TENM4: variants seen among roughly 807,000 people sequenced by gnomAD.
TENM4 encodes the protein teneurin transmembrane protein 4, also known as teneurin-4.
In TENM4, 82 loss-of-function variants were observed where a neutral mutation model predicts 243.3. The ratio of observed to expected loss-of-function variants is 0.34; its 90% CI spans 0.28 to 0.40. The LOEUF is 0.40. TENM4 is among the 10% of genes least tolerant of loss of function. The pLI, the probability that TENM4 is intolerant of heterozygous loss-of-function variation, is 1.00. For missense variants in TENM4, 3,138 were observed against 3,673.3 expected (o/e 0.85, Z 3.77); for synonymous variants, 1,412 against 1,456.3 (o/e 0.97, Z 0.69).
At chr11:78,810,837 C>T (rs1279670479) in intron 14 of TENM4, among the ~76,000 whole-genome samples, 1 of 152,164 alleles carries the variant, frequency 6.6e-6, no homozygotes, top group Non-Finnish European at 1.5e-5. Flanking sequence ...GATCAGCTCT[C>T]CTTGGAGCCT....
At chr11:78,980,592 T>C (rs1857769786) in intron 6 of TENM4, among the ~76,000 whole-genome samples, 1 of 152,214 alleles carries the variant, frequency 6.6e-6, no homozygotes, top group African/African-American at 2.4e-5. Context: ...ATATCAACAA[T>C]AGTAACAGTA....
intron 1 of TENM4, among the ~76,000 whole-genome samples, chr11:79,366,275 C>T (rs1039460770): frequency 1.3e-5 from 2 of 152,234 alleles, no homozygotes; most frequent in African/African-American, 2.4e-5. Context: ...CAGGAATGCC[C>T]TCTTTGTGTC....
intron 33 of TENM4, 48 bp downstream of exon 33, chr11:78,661,401 A>G: frequency 6.3e-7 from 1 of 1,582,550 alleles, no homozygotes; most frequent in South Asian, 1.2e-5. Context: ...GACCCCCTCC[A>G]GTAATGTCTG....
chr11:79,110,035 A>T (rs1861468545), intron 4 of TENM4, among the ~76,000 whole-genome samples: 1 of 152,204 alleles, frequency 6.6e-6, no homozygotes, highest in Non-Finnish European at 1.5e-5. Context: ...TCCTGCTGGC[A>T]CATTCCTACT....
intron 6 of TENM4, among the ~76,000 whole-genome samples, chr11:79,049,367 TC>T (rs1362642052): frequency 6.6e-6 from 1 of 152,244 alleles, no homozygotes; most frequent in East Asian, 1.9e-4. Context: ...AAGTTTATAA[TC>T]ACTCTCTAAG....
intron 1 of TENM4, among the ~76,000 whole-genome samples, chr11:79,357,693 A>G (rs1857520931): frequency 6.6e-6 from 1 of 152,234 alleles, no homozygotes. Flanking sequence ...CAGGTACTAA[A>G]TCTTTTCAAA....
At chr11:79,228,388 C>A (rs61882120) in intron 2 of TENM4, among the ~76,000 whole-genome samples, 1 of 152,170 alleles carries the variant, frequency 6.6e-6, no homozygotes, top group Non-Finnish European at 1.5e-5. Context: ...CTGAAAGGAC[C>A]ACCAGGTGCA....
At chr11:79,005,664 A>G (rs1301957169) in intron 6 of TENM4, among the ~76,000 whole-genome samples, 1 of 152,172 alleles carries the variant, frequency 6.6e-6, no homozygotes, top group Non-Finnish European at 1.5e-5. Context: ...AACTTGAAGC[A>G]TTTCCCCTGA....
At chr11:78,863,222 G>A (rs1591080150) in intron 9 of TENM4, 90 bp from the exon 10 acceptor site, 3 of 1,360,820 alleles carry the variant, frequency 2.2e-6, no homozygotes, top group East Asian at 2.6e-5. Context: ...CAGGGTGGGG[G>A]AACACAGGCA....
intron 6 of TENM4, among the ~76,000 whole-genome samples, chr11:79,034,062 T>G (rs1022254094): frequency 1.5e-4 from 23 of 152,208 alleles, no homozygotes; most frequent in African/African-American, 5.1e-4. Flanking sequence ...TTTCCTTATC[T>G]GTAAAATGGG....
At chr11:79,305,109 G>A (rs1443993444) in intron 1 of TENM4, among the ~76,000 whole-genome samples, 1 of 152,204 alleles carries the variant, frequency 6.6e-6, no homozygotes, top group African/African-American at 2.4e-5. Context: ...TACTGTGAAC[G>A]TCAGACTCAG....
chr11:79,147,533 T>A (rs1862416593), intron 4 of TENM4, among the ~76,000 whole-genome samples: 1 of 152,126 alleles, frequency 6.6e-6, no homozygotes, highest in African/African-American at 2.4e-5. Context: ...GTTTATGAGA[T>A]GTGAACACTA....
chr11:78,972,491 T>A (rs370187270), intron 6 of TENM4, among the ~76,000 whole-genome samples: 2 of 152,186 alleles, frequency 1.3e-5, no homozygotes, highest in African/African-American at 4.8e-5. Context: ...TAAAAAGTGT[T>A]TGTCAGGAAC....
intron 6 of TENM4, among the ~76,000 whole-genome samples, chr11:78,949,083 AAGCCC>A (rs1857065003): frequency 6.6e-6 from 1 of 152,182 alleles, no homozygotes; most frequent in Admixed American, 6.5e-5. Flanking sequence ...TTGTGACACA[AAGCCC>A]AGTCTCTTTA....
chr11:78,674,929 G>C (rs1319605952), intron 30 of TENM4, among the ~76,000 whole-genome samples: 1 of 151,820 alleles, frequency 6.6e-6, no homozygotes, highest in Non-Finnish European at 1.5e-5. Flanking sequence ...GCAGCGGCGC[G>C]ATCTCGGCTC....
chr11:79,050,803 G>A (rs550348757), intron 6 of TENM4, among the ~76,000 whole-genome samples: 28 of 152,330 alleles, frequency 1.8e-4, no homozygotes, highest in African/African-American at 6.5e-4. Context: ...CTATTTATTT[G>A]AGGGAGAGTT....
intron 3 of TENM4, among the ~76,000 whole-genome samples, chr11:79,153,677 C>T (rs1862551014): frequency 6.6e-6 from 1 of 152,186 alleles, no homozygotes; most frequent in Non-Finnish European, 1.5e-5. Flanking sequence ...GTTTTCTGAG[C>T]ATCTGCCATG....
intron 12 of TENM4, among the ~76,000 whole-genome samples, chr11:78,842,366 G>C (rs1858279287): frequency 6.6e-6 from 1 of 152,226 alleles, no homozygotes; most frequent in Non-Finnish European, 1.5e-5. Context: ...ATTTGCTTTA[G>C]TGTAGGTTCT....
chr11:79,011,874 G>A (rs994630137), intron 6 of TENM4, among the ~76,000 whole-genome samples: 7 of 152,228 alleles, frequency 4.6e-5, no homozygotes, highest in Non-Finnish European at 8.8e-5. Context: ...CAATGACTCT[G>A]TCATTCTGAT....
Sources: gnomAD v4.1 joint callset for allele counts (sites outside exome capture counted in the v4.1 genomes callset) on GRCh38, gnomAD v4.1.1 for gene constraint, MANE v1.5 for transcripts, NCBI Gene and HGNC (gene_info 2026-07-23, HGNC 2026-07-21) for gene names.